The following POU6F2 variants were observed in gnomAD, a reference collection of about 807,000 sequenced individuals.
POU6F2 encodes POU class 6 homeobox 2, also known as POU domain, class 6, transcription factor 2.
In POU6F2, 31 loss-of-function variants were observed where a neutral mutation model predicts 71.3. The ratio of observed to expected loss-of-function variants is 0.43; its 90% CI spans 0.33 to 0.59. The LOEUF is 0.59. Ranked by LOEUF, POU6F2 falls within the 20% of genes least tolerant of loss-of-function variation. POU6F2 has a pLI of 0.04. For synonymous variants in POU6F2, 347 were observed against 355.7 expected (o/e 0.98, Z 0.27); for missense variants, 783 against 856.8 (o/e 0.91, Z 1.07).
intron 5 of POU6F2, among the ~76,000 whole-genome samples, chr7:39,346,998 A>G (rs181671709): frequency 1.6e-4 from 24 of 152,308 alleles, no homozygotes; most frequent in Admixed American, 1.2e-3. Flanking sequence ...AGAAAGTGTG[A>G]TCTTGAGAAG....
intron 6 of POU6F2, among the ~76,000 whole-genome samples, chr7:39,423,614 G>A (rs3819420): frequency 0.3 from 45,182 of 152,028 alleles, 7,144 homozygotes; most frequent in East Asian, 0.55. Context: ...CTATACTGGC[G>A]TACATTTAAT....
At chr7:39,238,730 A>G (rs1011287326) in intron 4 of POU6F2, among the ~76,000 whole-genome samples, 12 of 152,178 alleles carry the variant, frequency 7.9e-5, no homozygotes, top group African/African-American at 2.4e-5. Context: ...AGATACTGAC[A>G]GTTGTTGGCA....
chr7:39,429,420 T>C (rs1467178690), intron 6 of POU6F2, among the ~76,000 whole-genome samples: 1 of 152,182 alleles, frequency 6.6e-6, no homozygotes, highest in Non-Finnish European at 1.5e-5. Context: ...TATAGAGATT[T>C]TTCTCAAAGA....
chr7:39,330,336 CTATT>C (rs1023581595), intron 4 of POU6F2, among the ~76,000 whole-genome samples: 1 of 152,184 alleles, frequency 6.6e-6, no homozygotes, highest in African/African-American at 2.4e-5. Context: ...GTTTAAGTCT[CTATT>C]TGTTCTGTCA....
Position 38,982,199 on chromosome 7 carries a change from A to G in POU6F2, c.105+4141A>G, listed in dbSNP as rs1788336769. Among the ~76,000 whole-genome samples, 2 of 152,286 alleles carry G rather than the reference A, an allele frequency of 1.3e-5. 1 individual carries two copies. Among genetic ancestry groups the G allele is most frequent in the South Asian group, 4.2e-4 (2 of 4,816 alleles). On this transcript the variant is annotated intron_variant, in intron 1 of 9. Transcript: ENST00000518318. ...TACTCATGTGAAGCATAATTCCCAT[A>G]TACTCTTAAAAAAAGTCATTTTTGT...
chr7:39,017,442 A>G (rs1469101305), intron 1 of POU6F2, among the ~76,000 whole-genome samples: 1 of 152,108 alleles, frequency 6.6e-6, no homozygotes, highest in East Asian at 1.9e-4. Flanking sequence ...ATATTCTTCT[A>G]ACTGTTCTCC....
rs541576235 is a variant in POU6F2, at chr7:39,247,457, AAAAG to A, written c.598+39847_598+39850del. Among the ~76,000 whole-genome samples, 97 of 151,496 alleles carry A rather than the reference AAAAG, an allele frequency of 6.4e-4. 2 individuals are homozygous for A. The South Asian group carries it at 0.019, about 30-fold the overall frequency. ...CAGAGTGAGACTCTGTCTCAAAGAA[AAAAG>A]AAAGAAAGAGAGAAAGAAGAAAGAA... On this transcript the variant is annotated intron_variant, in intron 4 of 9. Transcript: ENST00000518318.
intron 5 of POU6F2, among the ~76,000 whole-genome samples, chr7:39,396,324 C>G (rs1414287041): frequency 6.6e-6 from 1 of 152,134 alleles, no homozygotes; most frequent in East Asian, 1.9e-4. Context: ...AGAAATGCAT[C>G]CATTTGGAGA....
intron 4 of POU6F2, among the ~76,000 whole-genome samples, chr7:39,292,792 A>T (rs999808685): frequency 3.3e-5 from 5 of 152,172 alleles, no homozygotes; most frequent in African/African-American, 1.2e-4. Flanking sequence ...TTGACCATTC[A>T]ATCCATCCTG....
At chr7:39,185,792 G>A (rs553336982) in intron 2 of POU6F2, among the ~76,000 whole-genome samples, 1 of 147,954 alleles carries the variant, frequency 6.8e-6, no homozygotes, top group African/African-American at 2.5e-5. Context: ...ATGACAACTT[G>A]GTATACATAT....
chr7:39,349,003 G>T (rs1018833220), intron 5 of POU6F2, among the ~76,000 whole-genome samples: 3 of 152,038 alleles, frequency 2.0e-5, no homozygotes, highest in East Asian at 3.9e-4. Flanking sequence ...AATCCTTCAG[G>T]AACCACTGCT....
chr7:39,298,404 A>G (rs1182661763), intron 4 of POU6F2, among the ~76,000 whole-genome samples: 2 of 152,232 alleles, frequency 1.3e-5, no homozygotes, highest in East Asian at 1.9e-4. Context: ...AACAAACATG[A>G]AAAAAAGCTC....
At chr7:39,380,409 C>G (rs911503524) in intron 5 of POU6F2, among the ~76,000 whole-genome samples, 2 of 152,164 alleles carry the variant, frequency 1.3e-5, no homozygotes, top group Non-Finnish European at 2.9e-5. Flanking sequence ...AATATTATTA[C>G]ATGTATAAAA....
intron 2 of POU6F2, among the ~76,000 whole-genome samples, chr7:39,172,941 T>A (rs540606814): frequency 2.4e-4 from 36 of 151,986 alleles, no homozygotes; most frequent in African/African-American, 7.0e-4. Context: ...CCTTTTTTTT[T>A]AATACTTTAG....
chr7:39,239,709 GA>G (rs1224130006), intron 4 of POU6F2, among the ~76,000 whole-genome samples: 3 of 151,696 alleles, frequency 2.0e-5, no homozygotes, highest in Non-Finnish European at 4.4e-5. Context: ...AGCACTTAAC[GA>G]AGACTAATAT....
intron 6 of POU6F2, among the ~76,000 whole-genome samples, 180 bp from the exon 7 acceptor site, chr7:39,432,897 T>G (rs543505081): frequency 6.6e-6 from 1 of 152,138 alleles, no homozygotes; most frequent in South Asian, 2.1e-4. Context: ...TGTGTACTTA[T>G]CTCTGCTTTA....
At chr7:39,124,578 T>A (rs1792108065) in intron 2 of POU6F2, among the ~76,000 whole-genome samples, 1 of 152,176 alleles carries the variant, frequency 6.6e-6, no homozygotes, top group African/African-American at 2.4e-5. Context: ...ATTATATTAT[T>A]CTCCTCCTAC....
Position 39,464,548 on chromosome 7 carries a change from T to C in POU6F2, c.2025T>C (p.Tyr675=). 6.2e-7 allele frequency: 1 copy of C among 1,613,200 alleles called. No homozygotes were observed. Among genetic ancestry groups the C allele is most frequent in the Non-Finnish European group, 8.5e-7 (1 of 1,179,578 alleles). The stretch of plus-strand genomic sequence containing the variant: ...CCGAAATTGCTGAGAAGCTGAACTA[T>C]GACCGAGAAGTAGTTAGAGTTTGGT... ...EMTEIAEKLN[Y]DREVVRVWFC... The change falls in exon 10 of 10, where the codon TAT becomes TAC. Residue 675 remains tyrosine, a synonymous_variant. Transcript: ENST00000518318. The surrounding 1 kb of genome is among the most constrained non-coding windows in gnomAD (Gnocchi z 4.1).
chr7:38,985,926 GTTGTGATTTCT>G (rs1788452586), intron 1 of POU6F2, among the ~76,000 whole-genome samples: 1 of 152,042 alleles, frequency 6.6e-6, no homozygotes, highest in African/African-American at 2.4e-5. Context: ...AAGAACTAAA[GTTGTGATTTCT>G]TTTCTGAAAA....
Sources: gnomAD v4.1 joint callset for allele counts (sites outside exome capture counted in the v4.1 genomes callset) on GRCh38, gnomAD v4.1.1 for gene constraint, Gnocchi (gnomAD v3.1) non-coding constraint, MANE v1.5 for transcripts, NCBI Gene and HGNC (gene_info 2026-07-23, HGNC 2026-07-21) for gene names.